Variants in FNBP1L observed in about 807,000 individuals in gnomAD.
The protein encoded by FNBP1L is formin-binding protein 1-like.
Under a neutral mutation model 91.2 loss-of-function variants are expected in FNBP1L, and 36 were observed. The observed-to-expected ratio is 0.39, with a 90% CI of 0.30 to 0.52. The LOEUF is 0.52. Among genes scored for constraint, FNBP1L ranks in the 20% least tolerant of loss-of-function variants. The pLI is 0.66. For missense variants in FNBP1L, 571 were observed against 732.1 expected (o/e 0.78, Z 2.54); for synonymous variants, 242 against 237.0 (o/e 1.02, Z -0.19).
At chr1:93,518,494 A>G (rs991100891) in intron 2 of FNBP1L, among the ~76,000 whole-genome samples, 3 of 152,238 alleles carry the variant, frequency 2.0e-5, no homozygotes, top group Admixed American at 2.0e-4. Context: ...GGGATTGAAC[A>G]TGTTAAGGTG....
Position 93,530,801 on chromosome 1 carries a change from A to C in FNBP1L, c.557A>C (p.Lys186Thr). Residue 186 changes from lysine to threonine, a missense_variant, in exon 7 of 17, where the codon AAA becomes ACA. By Grantham distance (78) the Lys-to-Thr change is moderately conservative. Transcript: ENST00000271234. ...NLRTHMADEN[K>T]NEYAAQLQNF... ...CGTACGCATATGGCCGATGAAAATA[A>C]AAATGAATATGCTGCACAATTACAA... 1 of 1,583,798 alleles carries C rather than the reference A, an allele frequency of 6.3e-7. No individual in the cohort carries two copies. The highest frequency in any genetic ancestry group is 8.6e-7 in the Non-Finnish European group (1 of 1,163,076).
chr1:93,498,634 T>A (rs1477324845), intron 1 of FNBP1L, among the ~76,000 whole-genome samples: 1 of 152,172 alleles, frequency 6.6e-6, no homozygotes, highest in East Asian at 1.9e-4. Flanking sequence ...GCAGACTTGA[T>A]ATAAGAGGGG....
chr1:93,542,256 T>G (rs187463276), intron 11 of FNBP1L, among the ~76,000 whole-genome samples: 48 of 151,974 alleles, frequency 3.2e-4, no homozygotes, highest in Admixed American at 1.0e-3. Flanking sequence ...CTGCATTCCA[T>G]TGTGGGCAAC....
intron 2 of FNBP1L, among the ~76,000 whole-genome samples, chr1:93,510,074 A>C (rs1670774227): frequency 6.6e-6 from 1 of 152,208 alleles, no homozygotes; most frequent in Non-Finnish European, 1.5e-5. Context: ...TAGGTAAACA[A>C]AGCAGCCAGG....
In FNBP1L at chr1:93,448,263, A is replaced by G; in HGVS notation, c.-19A>G. Reference sequence around the variant, plus strand: ...GACTGAAGGACAGCGGCACCGCCAGACGGCCAGAAAGTTCCGCCATGAGCT... The same window carrying G: ...GACTGAAGGACAGCGGCACCGCCAGGCGGCCAGAAAGTTCCGCCATGAGCT... On this transcript the variant is annotated 5_prime_UTR_variant, in exon 1 of 17. Coordinates refer to ENST00000271234, the MANE Select transcript of FNBP1L (RefSeq NM_001164473.3). The G allele has an allele frequency of 1.3e-6, 2 of 1,520,142 alleles. No individual in the cohort carries two copies. Among genetic ancestry groups the G allele is most frequent in the Non-Finnish European group, 8.8e-7 (1 of 1,133,698 alleles). The allele number at this position is 1,520,142 out of a possible 1,614,324, so 94.2% of individuals were successfully genotyped here. A position where few individuals can be genotyped will look rare whatever the true frequency, so the allele number is the denominator to read the frequency against.
intron 1 of FNBP1L, among the ~76,000 whole-genome samples, chr1:93,495,936 G>C (rs1670245474): frequency 6.6e-6 from 1 of 152,194 alleles, no homozygotes; most frequent in African/African-American, 2.4e-5. Context: ...CAGTGTTTTA[G>C]AGACAGGTAA....
intron 1 of FNBP1L, among the ~76,000 whole-genome samples, chr1:93,473,009 G>T (rs191930307): frequency 6.6e-6 from 1 of 151,738 alleles, no homozygotes; most frequent in African/African-American, 2.4e-5. Context: ...TTTTGCACTT[G>T]CTGCTAGAAA....
chr1:93,528,179 G>GT (rs1448230067), intron 5 of FNBP1L, among the ~76,000 whole-genome samples: 1 of 152,082 alleles, frequency 6.6e-6, no homozygotes, highest in Non-Finnish European at 1.5e-5. Context: ...ACTCAAGAAA[G>GT]TTTTCCCAGA....
chr1:93,545,575 TG>T (rs1460891263), intron 12 of FNBP1L, among the ~76,000 whole-genome samples: 2 of 152,164 alleles, frequency 1.3e-5, no homozygotes, highest in Non-Finnish European at 2.9e-5. Flanking sequence ...TGTGAAGTTC[TG>T]TAGGTACTAC....
intron 1 of FNBP1L, among the ~76,000 whole-genome samples, chr1:93,456,959 G>A (rs1181875334): frequency 6.6e-6 from 1 of 152,120 alleles, no homozygotes; most frequent in East Asian, 1.9e-4. Context: ...TGCCATCACA[G>A]CTTACTGCAG....
At chr1:93,459,834 G>C (rs746179298) in intron 1 of FNBP1L, among the ~76,000 whole-genome samples, 1 of 152,082 alleles carries the variant, frequency 6.6e-6, no homozygotes, top group Non-Finnish European at 1.5e-5. Context: ...GAATGTTTGT[G>C]TCCCCTCCAA....
At position 93,553,450 on chromosome 1, in the gene FNBP1L, T is replaced by C. The variant is rs1672483442; in HGVS notation, c.*1034T>C. 1 of 152,672 alleles carries C rather than the reference T, an allele frequency of 6.5e-6. No individual in the cohort carries two copies. The highest frequency in any genetic ancestry group is 2.4e-5 in the African/African-American group (1 of 41,460). 9.5% of individuals were successfully genotyped at this position (152,672 alleles called of 1,614,324 possible). A position where few individuals can be genotyped will look rare whatever the true frequency, so the allele number is the denominator to read the frequency against. On this transcript the variant is annotated 3_prime_UTR_variant, in exon 17 of 17. Coordinates refer to ENST00000271234, the MANE Select transcript of FNBP1L (RefSeq NM_001164473.3). ...AGGTGGCTATTAGAGCTCTACCATA[T>C]ACAGTGGTGCATCTTCAAATTTATG...
At chr1:93,470,641 G>A (rs1669251015) in intron 1 of FNBP1L, among the ~76,000 whole-genome samples, 2 of 152,106 alleles carry the variant, frequency 1.3e-5, no homozygotes, top group Admixed American at 1.3e-4. Flanking sequence ...GGGAGGCCGA[G>A]GCGGGCGAAT....
chr1:93,526,789 T>C (rs1490205801), intron 5 of FNBP1L, among the ~76,000 whole-genome samples: 1 of 152,202 alleles, frequency 6.6e-6, no homozygotes. Context: ...TTTAATATTA[T>C]TGTACTACTA....
chr1:93,463,472 C>T (rs921712388), intron 1 of FNBP1L, among the ~76,000 whole-genome samples: 1 of 152,068 alleles, frequency 6.6e-6, no homozygotes, highest in Non-Finnish European at 1.5e-5. Context: ...AGTTGGGGAC[C>T]GTCTGTGTAC....
At chr1:93,532,525 T>TAAA (rs34093849) in intron 7 of FNBP1L, among the ~76,000 whole-genome samples, 2 of 134,752 alleles carry the variant, frequency 1.5e-5, no homozygotes, top group South Asian at 2.4e-4. Flanking sequence ...CCAGTTGCTT[T>TAAA]AAAAAAAAAA....
intron 2 of FNBP1L, among the ~76,000 whole-genome samples, chr1:93,508,662 C>CAA (rs1216913826): frequency 6.6e-6 from 1 of 152,154 alleles, no homozygotes; most frequent in Admixed American, 6.5e-5. Context: ...TCTTGTGTTA[C>CAA]ATGTGCTCTT....
At chr1:93,545,285 A>G (rs1672185025) in intron 12 of FNBP1L, among the ~76,000 whole-genome samples, 2 of 152,172 alleles carry the variant, frequency 1.3e-5, no homozygotes, top group African/African-American at 2.4e-5. Flanking sequence ...AGTAGATTGC[A>G]AAAAGGATAC....
intron 1 of FNBP1L, among the ~76,000 whole-genome samples, chr1:93,464,815 A>G (rs1394622629): frequency 6.6e-6 from 1 of 152,150 alleles, no homozygotes; most frequent in Non-Finnish European, 1.5e-5. Context: ...CTTAATCAGA[A>G]GTTCATGTTA....
Sources: allele counts gnomAD v4.1 joint callset (sites outside exome capture counted in the v4.1 genomes callset), GRCh38; gene constraint gnomAD v4.1.1; transcripts MANE v1.5; gene names NCBI Gene and HGNC (gene_info 2026-07-23, HGNC 2026-07-21).